MFSD11: variants seen among roughly 807,000 people sequenced by gnomAD.
MFSD11 encodes UNC93-like protein MFSD11.
MFSD11 carries 36 observed loss-of-function variants against 53.5 expected under a neutral mutation model. The observed-to-expected ratio is 0.67, with a 90% confidence interval of 0.52 to 0.89. The LOEUF (loss-of-function observed/expected upper bound fraction) is 0.89, where lower values mean the gene tolerates loss of function less well. MFSD11 is among the 40% of genes least tolerant of loss of function. MFSD11 has a pLI of 0.00. For missense variants in MFSD11, 530 were observed against 543.9 expected, an observed-to-expected ratio of 0.97 and a Z score of 0.25; for synonymous variants, 186 against 184.9, an observed-to-expected ratio of 1.01 and a Z score of -0.05.
intron 8 of MFSD11, among the ~76,000 whole-genome samples, chr17:76,762,789 G>GCAATTAAGCAC (rs1464255342): frequency 6.6e-6 from 1 of 151,726 alleles, no homozygotes; most frequent in Non-Finnish European, 1.5e-5. Context: ...CGAGTAGAAA[G>GCAATTAAGCAC]CAATTAAGCA....
In MFSD11 at chr17:76,777,267, CAAAAAAAAAAA is replaced by C. The variant is rs1055404399; in HGVS notation, c.1185+736_1185+746del. Among the ~76,000 whole-genome samples, 120 of 57,992 alleles carry C rather than the reference CAAAAAAAAAAA, an allele frequency of 2.1e-3. No individual in the cohort carries two copies. In the South Asian group the frequency reaches 0.039, roughly 19 times the overall value. The allele number at this position is 57,992 out of a possible 152,430, so 38.0% of individuals were successfully genotyped here. A position where few individuals can be genotyped will look rare whatever the true frequency, so the allele number is the denominator to read the frequency against. ...TGGGCCACAGAGCGAGACTCCGTCTCAAAAAAAAAAAAAAAAAAAAGACAGTCTCACTCTGT... is the reference window on the plus strand; with the variant it reads ...TGGGCCACAGAGCGAGACTCCGTCTCAAAAAAAAAGACAGTCTCACTCTGT... On this transcript the variant is annotated intron_variant, in intron 12 of 12. Coordinates refer to ENST00000685175, the MANE Select transcript of MFSD11 (RefSeq NM_001242532.5).
chr17:76,736,651 G>C (rs1413701713), upstream of MFSD11: 1 of 1,184,932 alleles, frequency 8.4e-7, no homozygotes, highest in African/African-American at 1.6e-5. Flanking sequence ...GCGGAAGCTC[G>C]CGGGGTGGCC....
intron 10 of MFSD11, among the ~76,000 whole-genome samples, chr17:76,770,313 C>CTAA (rs1183697384): frequency 6.6e-6 from 1 of 152,156 alleles, no homozygotes; most frequent in Non-Finnish European, 1.5e-5. Flanking sequence ...GCTGGGATTA[C>CTAA]AGGTGTGAGC....
intron 8 of MFSD11, 26 bp downstream of exon 8, chr17:76,754,113 C>T (rs761951743): frequency 6.3e-7 from 1 of 1,576,074 alleles, no homozygotes; most frequent in South Asian, 1.1e-5. Flanking sequence ...ATCTGAAATG[C>T]AAGAACTGTT....
At chr17:76,744,681 T>A (rs1323828715) in intron 7 of MFSD11, among the ~76,000 whole-genome samples, 1 of 152,180 alleles carries the variant, frequency 6.6e-6, no homozygotes, top group Non-Finnish European at 1.5e-5. Context: ...ACAGGGAAGT[T>A]GAGTCTGTTC....
In MFSD11 at chr17:76,776,326, T is replaced by C; in HGVS notation, c.1050-80T>C. Reference sequence around the variant, plus strand: ...TGTTTACAACTTGCAGGTAGAATTCTTTTGTGGGTGGGTTGCTTGTATATT... The same window carrying C: ...TGTTTACAACTTGCAGGTAGAATTCCTTTGTGGGTGGGTTGCTTGTATATT... On this transcript the variant is annotated intron_variant, in intron 11 of 12. Coordinates refer to ENST00000685175, the MANE Select transcript of MFSD11 (RefSeq NM_001242532.5). This position sits in a 1 kb window ranked among gnomAD's most constrained non-coding sequence, Gnocchi z 4.2. 1.4e-6 allele frequency: 2 copies of C among 1,474,058 alleles called. No individual in the cohort carries two copies. The highest frequency in any genetic ancestry group is 1.8e-6 in the Non-Finnish European group (2 of 1,087,380). 91.3% of individuals were successfully genotyped at this position (1,474,058 alleles called of 1,614,324 possible).
intron 10 of MFSD11, among the ~76,000 whole-genome samples, chr17:76,773,897 T>C (rs576725288): frequency 1.3e-5 from 2 of 151,914 alleles, no homozygotes; most frequent in South Asian, 4.2e-4. Context: ...TGAGCCACCA[T>C]GCCCAGCAAC....
chr17:76,769,679 A>G (rs1226545390), intron 9 of MFSD11, 67 bp from the exon 10 acceptor site: 10 of 1,274,802 alleles, frequency 7.8e-6, no homozygotes, highest in Non-Finnish European at 1.1e-5. Flanking sequence ...GTCAGATACT[A>G]CTAGATGGGA....
At chr17:76,747,096 T>TA (rs2078620031) in intron 7 of MFSD11, among the ~76,000 whole-genome samples, 2 of 152,038 alleles carry the variant, frequency 1.3e-5, no homozygotes, top group Non-Finnish European at 2.9e-5. Context: ...TCAAGTCTTA[T>TA]TATTTAAGAA....
chr17:76,770,186 C>T (rs1419236435), intron 10 of MFSD11, among the ~76,000 whole-genome samples: 1 of 151,640 alleles, frequency 6.6e-6, no homozygotes, highest in East Asian at 1.9e-4. Flanking sequence ...TACAGGCGCC[C>T]GCCACTATGC....
chr17:76,746,551 C>T (rs2078558545), intron 7 of MFSD11, among the ~76,000 whole-genome samples: 1 of 152,178 alleles, frequency 6.6e-6, no homozygotes, highest in South Asian at 2.1e-4. Context: ...AAAGAACAGG[C>T]CGACTCTTGT....
intron 8 of MFSD11, among the ~76,000 whole-genome samples, chr17:76,764,786 GC>G (rs1337174225): frequency 1.3e-5 from 2 of 152,070 alleles, no homozygotes; most frequent in Non-Finnish European, 2.9e-5. Context: ...TTGGATATAT[GC>G]CCAGAGGTAG....
At chr17:76,780,149 A>T (rs560530163), downstream of MFSD11, among the ~76,000 whole-genome samples, 1 of 152,186 alleles carries the variant, frequency 6.6e-6, no homozygotes, top group South Asian at 2.1e-4. Context: ...GTACATTCAC[A>T]AGGTTGCATA....
chr17:76,783,974 A>G (rs987017140), downstream of MFSD11, among the ~76,000 whole-genome samples: 4 of 151,254 alleles, frequency 2.6e-5, no homozygotes, highest in African/African-American at 7.3e-5. Context: ...AAAAAAAAAG[A>G]AAAAAGGAAG....
intron 7 of MFSD11, among the ~76,000 whole-genome samples, chr17:76,753,321 A>G (rs371274446): frequency 2.0e-4 from 30 of 152,290 alleles, no homozygotes; most frequent in African/African-American, 7.0e-4. Flanking sequence ...CAAAGAACTT[A>G]TTTTTCATAG....
chr17:76,749,765 CTGT>C (rs1366793005), intron 7 of MFSD11, among the ~76,000 whole-genome samples: 1 of 151,772 alleles, frequency 6.6e-6, no homozygotes, highest in African/African-American at 2.4e-5. Flanking sequence ...TGGTGTGTGC[CTGT>C]AATCCCAGCT....
At chr17:76,783,276 C>T (rs1568127523), downstream of MFSD11, among the ~76,000 whole-genome samples, 2 of 152,044 alleles carry the variant, frequency 1.3e-5, no homozygotes, top group Non-Finnish European at 2.9e-5. Context: ...AGCTGGGTCT[C>T]CCATGGGTGT....
chr17:76,759,539 C>G (rs2079987575), intron 8 of MFSD11, among the ~76,000 whole-genome samples: 1 of 152,064 alleles, frequency 6.6e-6, no homozygotes, highest in African/African-American at 2.4e-5. Context: ...ACTGCAACCT[C>G]CGCCCCGCAG....
chr17:76,779,846 C>G (rs2082114084), downstream of MFSD11, among the ~76,000 whole-genome samples: 1 of 152,126 alleles, frequency 6.6e-6, no homozygotes, highest in African/African-American at 2.4e-5. Context: ...AAAAGACAAA[C>G]ATATTTACTG....
Sources: allele counts gnomAD v4.1 joint callset (sites outside exome capture counted in the v4.1 genomes callset), GRCh38; gene constraint gnomAD v4.1.1; non-coding constraint Gnocchi (gnomAD v3.1); transcripts MANE v1.5; gene names NCBI Gene and HGNC (gene_info 2026-07-23, HGNC 2026-07-21).